ALCAM: variants seen among roughly 807,000 people sequenced by gnomAD.
ALCAM encodes activated leukocyte cell adhesion molecule.
ALCAM carries 30 observed loss-of-function variants against 70.9 expected under a neutral mutation model. The observed-to-expected ratio is 0.42, with a 90% CI of 0.32 to 0.57. The LOEUF is 0.57. ALCAM is among the 20% of genes least tolerant of loss of function. ALCAM has a pLI of 0.11. For synonymous variants in ALCAM, 249 were observed against 242.5 expected (o/e 1.03, Z -0.25); for missense variants, 591 against 695.1 (o/e 0.85, Z 1.68).
chr3:105,376,330 AG>A lies in ALCAM; in HGVS notation c.73+8850del, dbSNP rs1935377982. On this transcript the variant is annotated intron_variant, in intron 1 of 15. Coordinates refer to ENST00000306107, the MANE Select transcript of ALCAM (RefSeq NM_001627.4). ...CAGTAGCAAATTAACCACAATTCCT[AG>A]TGACATGTTTTCAGTTTCATTTGCG... Among the ~76,000 whole-genome samples the A allele has an allele frequency of 3.3e-5, 5 of 152,324 alleles. No homozygotes were observed. The South Asian group carries it at 1.0e-3, about 32-fold the overall frequency.
At chr3:105,554,628 A>G (rs1443915345) in intron 14 of ALCAM, among the ~76,000 whole-genome samples, 1 of 151,988 alleles carries the variant, frequency 6.6e-6, no homozygotes, top group Non-Finnish European at 1.5e-5. Context: ...CATTTTACCT[A>G]TAAACACTTC....
intron 15 of ALCAM, 71 bp from the exon 16 acceptor site, chr3:105,574,406 A>G (rs553367025): frequency 9.0e-4 from 137 of 152,278 alleles, no homozygotes; most frequent in African/African-American, 3.2e-3. Flanking sequence ...TACTTTTAGT[A>G]CAAAGTATCT....
At chr3:105,481,714 T>G (rs1294035275) in intron 1 of ALCAM, among the ~76,000 whole-genome samples, 1 of 152,180 alleles carries the variant, frequency 6.6e-6, no homozygotes, top group Admixed American at 6.5e-5. Flanking sequence ...ATTATGTGAA[T>G]TAAGACAGAG....
At chr3:105,465,861 G>A (rs907907983) in intron 1 of ALCAM, among the ~76,000 whole-genome samples, 2 of 151,222 alleles carry the variant, frequency 1.3e-5, no homozygotes, top group Non-Finnish European at 3.0e-5. Context: ...CTAGACCGCT[G>A]TGCATTGCCA....
intron 11 of ALCAM, among the ~76,000 whole-genome samples, chr3:105,548,891 A>G (rs944956622): frequency 6.6e-6 from 1 of 151,484 alleles, no homozygotes; most frequent in African/African-American, 2.4e-5. Context: ...CAATTAAGTG[A>G]TAACTGCAGC....
At chr3:105,506,147 A>C (rs1939069789) in intron 1 of ALCAM, among the ~76,000 whole-genome samples, 1 of 152,234 alleles carries the variant, frequency 6.6e-6, no homozygotes, top group African/African-American at 2.4e-5. Flanking sequence ...TTACCTAAGA[A>C]GTATGTAATA....
intron 1 of ALCAM, among the ~76,000 whole-genome samples, chr3:105,480,944 C>T (rs543417020): frequency 4.7e-4 from 72 of 151,940 alleles, no homozygotes; most frequent in Non-Finnish European, 9.4e-4. Context: ...GAGTGAAATC[C>T]TGTTGTCTGA....
chr3:105,384,601 C>G (rs554356771), intron 1 of ALCAM, among the ~76,000 whole-genome samples: 2 of 151,584 alleles, frequency 1.3e-5, no homozygotes, highest in Non-Finnish European at 1.5e-5. Flanking sequence ...CCCAGAAATT[C>G]TAAGACTTTT....
At chr3:105,557,801 A>G (rs1159268592) in intron 14 of ALCAM, among the ~76,000 whole-genome samples, 2 of 152,156 alleles carry the variant, frequency 1.3e-5, no homozygotes, top group Non-Finnish European at 2.9e-5. Context: ...TTCACTGAGG[A>G]CACACGCATT....
intron 1 of ALCAM, among the ~76,000 whole-genome samples, chr3:105,442,905 C>T (rs1420108855): frequency 2.6e-5 from 4 of 152,186 alleles, no homozygotes; most frequent in Non-Finnish European, 5.9e-5. Flanking sequence ...GTATAGCTCA[C>T]TGCAGCCTTG....
At chr3:105,481,347 T>G (rs1014360615) in intron 1 of ALCAM, among the ~76,000 whole-genome samples, 1 of 152,110 alleles carries the variant, frequency 6.6e-6, no homozygotes, top group Admixed American at 6.6e-5. Flanking sequence ...CAGGGGAGAC[T>G]TTGATTACTC....
intron 1 of ALCAM, among the ~76,000 whole-genome samples, chr3:105,450,177 G>A (rs1189059357): frequency 6.6e-6 from 1 of 152,076 alleles, no homozygotes; most frequent in African/African-American, 2.4e-5. Flanking sequence ...TTCAAGAAAT[G>A]GTTGAGATAC....
chr3:105,543,168 A>G (rs892810908), intron 8 of ALCAM, among the ~76,000 whole-genome samples: 1 of 151,686 alleles, frequency 6.6e-6, no homozygotes, highest in Non-Finnish European at 1.5e-5. Context: ...AAGGGCTCTT[A>G]TTTACTTTAC....
At chr3:105,383,194 G>T (rs1011050124) in intron 1 of ALCAM, among the ~76,000 whole-genome samples, 1 of 151,650 alleles carries the variant, frequency 6.6e-6, no homozygotes, top group Non-Finnish European at 1.5e-5. Context: ...TCTCTAAGGT[G>T]CCTGTCCTCT....
chr3:105,431,270 G>T (rs1356610129), intron 1 of ALCAM, among the ~76,000 whole-genome samples: 1 of 152,126 alleles, frequency 6.6e-6, no homozygotes, highest in Non-Finnish European at 1.5e-5. Context: ...AATCTATCAG[G>T]GTAAGCTGAT....
chr3:105,482,998 CT>C (rs1268681738), intron 1 of ALCAM, among the ~76,000 whole-genome samples: 2 of 152,118 alleles, frequency 1.3e-5, no homozygotes, highest in African/African-American at 4.8e-5. Flanking sequence ...AATTTCCCCC[CT>C]GATTCTCAAT....
chr3:105,434,868 A>T (rs1358858210), intron 1 of ALCAM, among the ~76,000 whole-genome samples: 1 of 152,198 alleles, frequency 6.6e-6, no homozygotes, highest in East Asian at 1.9e-4. Context: ...ATACATGTAT[A>T]TGTAAACTGT....
At chr3:105,512,644 A>G (rs982274480) in intron 1 of ALCAM, among the ~76,000 whole-genome samples, 1 of 151,940 alleles carries the variant, frequency 6.6e-6, no homozygotes, top group African/African-American at 2.4e-5. Flanking sequence ...TAGTTCCCAA[A>G]TGAAGTCAAC....
chr3:105,474,657 AAGGGCAATC>A (rs1938047777), intron 1 of ALCAM, among the ~76,000 whole-genome samples: 1 of 151,800 alleles, frequency 6.6e-6, no homozygotes, highest in African/African-American at 2.4e-5. Context: ...TTTTACATTC[AAGGGCAATC>A]TCTTTTTTTT....
Sources: allele counts gnomAD v4.1 joint callset (sites outside exome capture counted in the v4.1 genomes callset), GRCh38; gene constraint gnomAD v4.1.1; transcripts MANE v1.5; gene names NCBI Gene and HGNC (gene_info 2026-07-23, HGNC 2026-07-21).